EDN3: variants seen among roughly 807,000 people sequenced by gnomAD.
EDN3 encodes endothelin 3.
A neutral mutation model predicts 21.4 loss-of-function variants in EDN3; 9 were observed. The observed-to-expected ratio is 0.42, with a 90% CI of 0.25 to 0.73. The LOEUF (loss-of-function observed/expected upper bound fraction) is 0.73. Among genes scored for constraint, EDN3 ranks in the 30% least tolerant of loss-of-function variants. The pLI, the probability that EDN3 is intolerant of heterozygous loss-of-function variation, is 0.26. For synonymous variants in EDN3, 133 were observed against 126.2 expected (o/e 1.05, Z -0.36); for missense variants, 327 against 309.4 (o/e 1.06, Z -0.43).
intron 2 of EDN3, among the ~76,000 whole-genome samples, chr20:59,304,788 G>C (rs568296066): frequency 6.6e-6 from 1 of 152,174 alleles, no homozygotes; most frequent in East Asian, 1.9e-4. Flanking sequence ...GAGATTCCTC[G>C]GCTGTCCCTT....
In EDN3 at chr20:59,306,488, A is replaced by G. The variant is rs1272639000; in HGVS notation, c.365+4766A>G. Reference sequence around the variant, plus strand: ...AACAGTCTGATCAGCTCCTATCAAGATGCCCAGGCCGGCTTCCCAGGCTGC... The same window carrying G: ...AACAGTCTGATCAGCTCCTATCAAGGTGCCCAGGCCGGCTTCCCAGGCTGC... On this transcript the variant is annotated intron_variant, in intron 2 of 4. Coordinates refer to ENST00000337938, the MANE Select transcript of EDN3 (RefSeq NM_207034.3). 2.0e-5 allele frequency among the ~76,000 whole-genome samples: 3 copies of G among 151,408 alleles called. No individual in the cohort carries two copies. In the East Asian group the frequency reaches 5.9e-4, roughly 30 times the overall value.
chr20:59,317,902 C>T lies in EDN3; in HGVS notation c.366-3115C>T, dbSNP rs972742207. ...GTAAAAAAGAAGTAAAAGACCTGCC[C>T]TCTCTTTTGAGGATCCAGTAATCTG... On this transcript the variant is annotated intron_variant, in intron 2 of 4. Transcript: ENST00000337938. Among the ~76,000 whole-genome samples the T allele has an allele frequency of 2.6e-5, 4 of 152,312 alleles. No homozygotes were observed. The East Asian group carries it at 7.7e-4, about 29-fold the overall frequency.
Position 59,301,663 on chromosome 20 carries a change from C to T in EDN3, c.306C>T (p.Tyr102=), listed in dbSNP as rs768226122. 1.9e-6 allele frequency: 3 copies of T among 1,614,232 alleles called. No individual in the cohort carries two copies. The highest frequency in any genetic ancestry group is 2.5e-6 in the Non-Finnish European group (3 of 1,180,032). The change falls in exon 2 of 5, where the codon TAC becomes TAT. Residue 102 remains tyrosine, a synonymous_variant. Coordinates refer to ENST00000337938, the MANE Select transcript of EDN3 (RefSeq NM_207034.3). ...CCAGGCGCTGCACGTGCTTCACCTA[C>T]AAGGACAAGGAGTGTGTCTACTATT... ...HRSRRCTCFT[Y]KDKECVYYCH... is the part of the protein sequence containing the mutation.
rs554059415 is a variant in EDN3, at chr20:59,300,906, C to T, written c.52+42C>T. 5.0e-6 allele frequency: 8 copies of T among 1,602,960 alleles called. No homozygotes were observed. In the South Asian group the frequency reaches 8.9e-5, roughly 18 times the overall value. Reference sequence around the variant, plus strand: ...GCGCGCCTCTCCTGGCGCGAGCGCACACAAAAGGACCCAGGGCGGGGGACC... The same window carrying T: ...GCGCGCCTCTCCTGGCGCGAGCGCATACAAAAGGACCCAGGGCGGGGGACC... On this transcript the variant is annotated intron_variant, in intron 1 of 4. Coordinates refer to ENST00000337938, the MANE Select transcript of EDN3 (RefSeq NM_207034.3).
Position 59,324,342 on chromosome 20 carries a change from G to A in EDN3, c.600G>A (p.Lys200=), listed in dbSNP as rs745960429. The part of the protein sequence containing the change: ...DKEEEGKVEV[K]DQQSKQALDL... ...TTTCCCCAAGACAGGTTGAAGTCAA[G>A]GACCAACAAAGCAAGCAGGCTTTAG... The change falls in exon 5 of 5, where the codon AAG becomes AAA. Residue 200 remains lysine (K), a synonymous_variant. Transcript: ENST00000337938. 3.7e-6 allele frequency: 6 copies of A among 1,613,898 alleles called. No homozygotes were observed. The Admixed American group carries it at 5.0e-5, about 13-fold the overall frequency.
At chr20:59,306,328 T>G (rs1004796502) in intron 2 of EDN3, among the ~76,000 whole-genome samples, 1 of 152,132 alleles carries the variant, frequency 6.6e-6, no homozygotes, top group Admixed American at 6.5e-5. Context: ...AACCCAGAAG[T>G]GCTGCCCTTG....
intron 2 of EDN3, among the ~76,000 whole-genome samples, 178 bp downstream of exon 2, chr20:59,301,900 G>A (rs1373605983): frequency 1.3e-5 from 2 of 152,138 alleles, no homozygotes; most frequent in African/African-American, 2.4e-5. Flanking sequence ...CAGGTCAGGG[G>A]TGTGACCCAC....
At position 59,301,623 on chromosome 20, in the gene EDN3, C is replaced by T. The variant is rs751850788; in HGVS notation, c.266C>T (p.Pro89Leu). 1 of 1,614,084 alleles carries T rather than the reference C, an allele frequency of 6.2e-7. No individual in the cohort carries two copies. The highest frequency in any genetic ancestry group is 1.1e-5 in the South Asian group (1 of 91,074). Residue 89 changes from proline to leucine, a missense_variant, in exon 2 of 5, where the codon CCT (proline) becomes CTT (leucine). Pro to Leu is a moderately conservative substitution (Grantham distance 98). Coordinates refer to ENST00000337938, the MANE Select transcript of EDN3 (RefSeq NM_207034.3). ...CAGGAGCAGGCGGCCGAGGGGGCCC[C>T]TGAGCACCACCGATCCAGGCGCTGC... Reference protein sequence around the residue: ...PGQEQAAEGAPEHHRSRRCTC... With the variant: ...PGQEQAAEGALEHHRSRRCTC...
intron 3 of EDN3, among the ~76,000 whole-genome samples, chr20:59,321,611 G>A (rs7263687): frequency 1.3e-5 from 2 of 152,296 alleles, no homozygotes; most frequent in East Asian, 1.9e-4. Context: ...TATTGGGAGG[G>A]GGGGGAACCC....
chr20:59,314,202 T>C (rs1016272248), intron 2 of EDN3, among the ~76,000 whole-genome samples: 2 of 152,214 alleles, frequency 1.3e-5, no homozygotes, highest in Non-Finnish European at 2.9e-5. Flanking sequence ...GCCAGCTTAC[T>C]GTGCTGGGTT....
At chr20:59,314,119 G>A (rs1275538098) in intron 2 of EDN3, among the ~76,000 whole-genome samples, 1 of 152,222 alleles carries the variant, frequency 6.6e-6, no homozygotes, top group Non-Finnish European at 1.5e-5. Flanking sequence ...TGGGGGAAAG[G>A]AGGGGCATAG....
chr20:59,321,388 C>A (rs1990538236), intron 3 of EDN3, among the ~76,000 whole-genome samples, 195 bp downstream of exon 3: 1 of 152,228 alleles, frequency 6.6e-6, no homozygotes, highest in African/African-American at 2.4e-5. Context: ...GCAGGAGATG[C>A]AGCGTCCCCA....
In EDN3 at chr20:59,324,484, T is replaced by C. The variant is rs1990731926; in HGVS notation, c.*25T>C. On this transcript the variant is annotated 3_prime_UTR_variant, in exon 5 of 5. Transcript: ENST00000337938. ...GGAGGACAGGCCTGCAGCATCCTGG[T>C]CTCGGGAGGCTTCTGTCATTGCTCA... is the stretch of plus-strand genomic sequence containing the variant. 6.2e-7 allele frequency: 1 copy of C among 1,613,762 alleles called. No individual in the cohort carries two copies. The highest frequency in any genetic ancestry group is 8.5e-7 in the Non-Finnish European group (1 of 1,179,986).
intron 1 of EDN3, 39 bp downstream of exon 1, chr20:59,300,903 G>A: frequency 6.2e-7 from 1 of 1,604,250 alleles, no homozygotes; most frequent in Non-Finnish European, 8.5e-7. Flanking sequence ...TGGCGCGAGC[G>A]CACACAAAAG....
chr20:59,313,212 G>A (rs868021959), intron 2 of EDN3, among the ~76,000 whole-genome samples: 5 of 152,136 alleles, frequency 3.3e-5, no homozygotes, highest in African/African-American at 9.7e-5. Context: ...TCATTCATTC[G>A]TTTAACAGGT....
intron 2 of EDN3, among the ~76,000 whole-genome samples, chr20:59,306,525 C>T (rs1428546883): frequency 6.8e-6 from 1 of 147,748 alleles, no homozygotes; most frequent in Admixed American, 6.9e-5. Context: ...CTGGATCAAG[C>T]CACACTAAAC....
intron 2 of EDN3, among the ~76,000 whole-genome samples, chr20:59,319,201 G>C (rs1000919823): frequency 1.3e-5 from 2 of 152,008 alleles, no homozygotes; most frequent in Non-Finnish European, 2.9e-5. Flanking sequence ...GAGGAACTTG[G>C]GTGGGAGGGA....
At chr20:59,307,642 TA>T (rs1381777593) in intron 2 of EDN3, among the ~76,000 whole-genome samples, 2 of 152,168 alleles carry the variant, frequency 1.3e-5, no homozygotes, top group Non-Finnish European at 2.9e-5. Context: ...CAAGAATGAA[TA>T]AAAGACATGG....
chr20:59,323,563 A>C (rs1990673320), intron 4 of EDN3: 1 of 399,114 alleles, frequency 2.5e-6, no homozygotes, highest in Non-Finnish European at 4.4e-6. Context: ...TGTACAATTT[A>C]AAGTGAGATT....
Sources: gnomAD v4.1 joint callset for allele counts (sites outside exome capture counted in the v4.1 genomes callset) on GRCh38, gnomAD v4.1.1 for gene constraint, MANE v1.5 for transcripts, NCBI Gene and HGNC (gene_info 2026-07-23, HGNC 2026-07-21) for gene names.